The following TFEC variants were observed in gnomAD, a reference collection of about 807,000 sequenced individuals.
TFEC encodes class E basic helix-loop-helix protein 34.
A neutral mutation model predicts 41.6 loss-of-function variants in TFEC; 31 were observed. The ratio of observed to expected loss-of-function variants is 0.74; its 90% CI spans 0.56 to 1.01. The LOEUF (loss-of-function observed/expected upper bound fraction) is 1.01. Among genes scored for constraint, TFEC ranks in the 50% least tolerant of loss-of-function variants. The probability of loss-of-function intolerance (pLI) is 0.00; values close to 1 mark genes in which losing one functional copy is unlikely to be tolerated. For missense variants in TFEC, 402 were observed against 404.1 expected (o/e 0.99, Z 0.04); for synonymous variants, 143 against 140.6 (o/e 1.02, Z -0.12).
chr7:116,004,015 T>A (rs2130786049), intron 1 of TFEC, among the ~76,000 whole-genome samples: 1 of 152,220 alleles, frequency 6.6e-6, no homozygotes, highest in African/African-American at 2.4e-5. Context: ...TGGCATTTTA[T>A]GTACATGTTA....
intron 3 of TFEC, among the ~76,000 whole-genome samples, chr7:116,084,465 C>T (rs949844917): frequency 1.3e-5 from 2 of 151,712 alleles, no homozygotes; most frequent in Admixed American, 1.3e-4. Flanking sequence ...ACACTGAGTC[C>T]GAGCTCGTTC....
intron 3 of TFEC, among the ~76,000 whole-genome samples, chr7:116,076,592 T>C (rs1796965737): frequency 6.6e-6 from 1 of 151,852 alleles, no homozygotes; most frequent in Non-Finnish European, 1.5e-5. Flanking sequence ...TATCACAACT[T>C]CTGGAAATCA....
At chr7:116,148,114 T>G (rs1798681394) in intron 1 of TFEC, among the ~76,000 whole-genome samples, 1 of 152,158 alleles carries the variant, frequency 6.6e-6, no homozygotes, top group Non-Finnish European at 1.5e-5. Context: ...AGGGGTTTCT[T>G]GCAAGGAAGA....
chr7:116,095,355 G>A (rs541515859), intron 3 of TFEC, among the ~76,000 whole-genome samples: 8 of 152,126 alleles, frequency 5.3e-5, no homozygotes, highest in Non-Finnish European at 1.0e-4. Context: ...AGGGGTACAG[G>A]CATGCATGAG....
intron 1 of TFEC, among the ~76,000 whole-genome samples, chr7:116,012,125 C>A (rs1467714834): frequency 2.0e-5 from 3 of 152,158 alleles, no homozygotes; most frequent in African/African-American, 2.4e-5. Flanking sequence ...TTAAGGCCCT[C>A]TACAATTCAA....
At chr7:115,984,169 G>T in intron 2 of TFEC, 93 bp downstream of exon 2, 2 of 1,460,656 alleles carry the variant, frequency 1.4e-6, no homozygotes, top group Non-Finnish European at 1.9e-6. Context: ...TTTGCAATCA[G>T]AATGTTTACT....
At chr7:116,034,799 G>A (rs1795872299), upstream of TFEC, among the ~76,000 whole-genome samples, 1 of 151,868 alleles carries the variant, frequency 6.6e-6, no homozygotes, top group African/African-American at 2.4e-5. Context: ...CTCATACTCA[G>A]AGGAAGAACT....
At chr7:116,146,459 G>A (rs548702117) in intron 1 of TFEC, among the ~76,000 whole-genome samples, 1 of 152,342 alleles carries the variant, frequency 6.6e-6, no homozygotes, top group South Asian at 2.1e-4. Context: ...AGAGGTTGGA[G>A]AAATTTAATG....
chr7:116,130,336 C>A (rs778559358), intron 1 of TFEC, among the ~76,000 whole-genome samples: 3 of 152,130 alleles, frequency 2.0e-5, no homozygotes, highest in Non-Finnish European at 4.4e-5. Context: ...CTCTTTATGG[C>A]AGCATGACAA....
chr7:116,078,875 C>G (rs1455089446), intron 3 of TFEC, among the ~76,000 whole-genome samples: 1 of 151,612 alleles, frequency 6.6e-6, no homozygotes. Flanking sequence ...AGGACATAAC[C>G]AAAAAATAAA....
At chr7:116,110,943 A>G (rs1398570235) in intron 2 of TFEC, 14 of 1,406,312 alleles carry the variant, frequency 1.0e-5, no homozygotes, top group Middle Eastern at 1.8e-4. Context: ...GTGGATTTGG[A>G]AAAAAAGGAG....
intron 6 of TFEC, among the ~76,000 whole-genome samples, chr7:115,944,701 G>A (rs1237350117): frequency 6.6e-6 from 1 of 151,514 alleles, no homozygotes; most frequent in African/African-American, 2.4e-5. Flanking sequence ...ATGCCCAAGA[G>A]TATATGGTGT....
intron 3 of TFEC, among the ~76,000 whole-genome samples, chr7:116,109,633 T>G (rs1010935595): frequency 2.6e-5 from 4 of 152,172 alleles, no homozygotes; most frequent in African/African-American, 7.2e-5. Context: ...GGTGGGACTG[T>G]AAACTAGTTC....
At chr7:116,062,577 A>ATC (rs2130994252) in intron 3 of TFEC, among the ~76,000 whole-genome samples, 1 of 74,854 alleles carries the variant, frequency 1.3e-5, no homozygotes, top group South Asian at 3.8e-4. Context: ...ATATATATAT[A>ATC]TATATATATA....
intron 1 of TFEC, among the ~76,000 whole-genome samples, chr7:116,121,675 G>T (rs1315603071): frequency 6.6e-6 from 1 of 151,994 alleles, no homozygotes; most frequent in Non-Finnish European, 1.5e-5. Flanking sequence ...TTGTTTTACA[G>T]ACTCACTATT....
intron 3 of TFEC, among the ~76,000 whole-genome samples, chr7:116,088,579 A>G (rs1405484470): frequency 6.6e-6 from 1 of 152,134 alleles, no homozygotes; most frequent in Non-Finnish European, 1.5e-5. Context: ...AGCATCTAGC[A>G]GATAAGAAGG....
intron 1 of TFEC, among the ~76,000 whole-genome samples, chr7:115,985,936 G>A (rs1007119254): frequency 6.6e-6 from 1 of 152,098 alleles, no homozygotes; most frequent in Non-Finnish European, 1.5e-5. Flanking sequence ...AAATCTGAAT[G>A]ATCTTTCACA....
chr7:116,123,988 A>G (rs1348668511), intron 1 of TFEC, among the ~76,000 whole-genome samples: 4 of 152,180 alleles, frequency 2.6e-5, no homozygotes, highest in African/African-American at 9.6e-5. Flanking sequence ...TCCTGCAATT[A>G]AAGGACTTTT....
chr7:115,974,322 CAG>C (rs1157879931), intron 2 of TFEC, 66 bp from the exon 3 acceptor site: 6 of 1,258,168 alleles, frequency 4.8e-6, no homozygotes, highest in African/African-American at 3.2e-5. Flanking sequence ...AGTCTGAAAA[CAG>C]AGAGAAAAAT....
Sources: allele counts gnomAD v4.1 joint callset (sites outside exome capture counted in the v4.1 genomes callset), GRCh38; gene constraint gnomAD v4.1.1; transcripts MANE v1.5; gene names NCBI Gene and HGNC (gene_info 2026-07-23, HGNC 2026-07-21).